The following DNAAF9 variants were observed in gnomAD, a reference collection of about 807,000 sequenced individuals.
The protein encoded by DNAAF9 is shulin.
Under a neutral mutation model 167.0 loss-of-function variants are expected in DNAAF9, and 90 were observed. The observed-to-expected ratio is 0.54, with a 90% confidence interval of 0.45 to 0.64. The LOEUF is 0.64. Among genes scored for constraint, DNAAF9 ranks in the 30% least tolerant of loss-of-function variants. The probability of loss-of-function intolerance (pLI) is 0.00; values close to 1 mark genes in which losing one functional copy is unlikely to be tolerated. For synonymous variants in DNAAF9, 491 were observed against 508.8 expected, an observed-to-expected ratio of 0.96 and a Z score of 0.47; for missense variants, 1,315 against 1,442.2, an observed-to-expected ratio of 0.91 and a Z score of 1.43.
At chr20:3,310,380 A>AGAAAGAAG (rs2069390910) in intron 20 of DNAAF9, among the ~76,000 whole-genome samples, 1 of 151,270 alleles carries the variant, frequency 6.6e-6, no homozygotes. Context: ...AAAGAAAGAA[A>AGAAAGAAG]GAAAGAAAGA....
Position 3,324,971 on chromosome 20 carries a change from G to A in DNAAF9, c.1189-3C>T, listed in dbSNP as rs1343047796. 3.8e-6 allele frequency: 6 copies of A among 1,565,818 alleles called. No individual in the cohort carries two copies. The highest frequency in any genetic ancestry group is 3.3e-5 in the Admixed American group (2 of 59,916). Reference sequence around the variant, plus strand: ...GTTTGCTCTGCTACCTCCTTGGCCTGTAAAATAATAAGACAGCGACAATTA... The same window carrying A: ...GTTTGCTCTGCTACCTCCTTGGCCTATAAAATAATAAGACAGCGACAATTA... On this transcript the variant is annotated splice_region_variant and splice_polypyrimidine_tract_variant and intron_variant, in intron 13 of 36. Transcript: ENST00000252032.
Position 3,255,988 on chromosome 20 carries a change from CT to C in DNAAF9, c.3261+17del. The C allele has an allele frequency of 6.2e-7, 1 of 1,602,064 alleles. No individual in the cohort carries two copies. Among genetic ancestry groups the C allele is most frequent in the Non-Finnish European group, 8.5e-7 (1 of 1,170,988 alleles). Reference sequence around the variant, plus strand: ...CTGGTCACATCTGTGTCAGGTCTGTCTGGGCTCTGGAAACCACCTGCTTAGC... The same window carrying C: ...CTGGTCACATCTGTGTCAGGTCTGTCGGGCTCTGGAAACCACCTGCTTAGC... On this transcript the variant is annotated intron_variant, in intron 34 of 36. Coordinates refer to ENST00000252032, the MANE Select transcript of DNAAF9 (RefSeq NM_001009984.3).
intron 16 of DNAAF9, among the ~76,000 whole-genome samples, chr20:3,321,063 C>T (rs2069607161): frequency 6.6e-6 from 1 of 152,208 alleles, no homozygotes; most frequent in South Asian, 2.1e-4. Flanking sequence ...CTTCGCCATG[C>T]CATCCCACCC....
rs1018725704 is a variant in DNAAF9, at chr20:3,253,801, G to A, written c.3346C>T (p.Pro1116Ser). 1 of 1,607,844 alleles carries A rather than the reference G, an allele frequency of 6.2e-7. No individual in the cohort carries two copies. The highest frequency in any genetic ancestry group is 8.5e-7 in the Non-Finnish European group (1 of 1,174,370). Residue 1116 changes from proline to serine, a missense_variant, in exon 36 of 37, where the codon CCC becomes TCC. Coordinates refer to ENST00000252032, the MANE Select transcript of DNAAF9 (RefSeq NM_001009984.3). ...TTATAAAAGTAGCCTGCAGGTAGGG[G>A]TTCCAAGTGGCGTTTTACCTGTAGG... ...RSIHVKRHLE[P>S]LPAGYFYNGT...
chr20:3,318,317 CA>C lies in DNAAF9; in HGVS notation c.1439del (p.Leu480Ter). The C allele has an allele frequency of 3.2e-6, 5 of 1,576,430 alleles. No individual in the cohort carries two copies. The highest frequency in any genetic ancestry group is 3.5e-6 in the Non-Finnish European group (4 of 1,148,750). ...LGSVVFSESFLTSQILVKEKD... is the reference protein window; with the variant it reads ...LGSVVFSESFXTSQILVKEKD... ...TTTCTTTAACTAAGATCTGAGAAGT[CA>C]AAAATGATTCAGAGAAAACCACAGA... On this transcript the variant is annotated frameshift_variant, in exon 17 of 37. Coordinates refer to ENST00000252032, the MANE Select transcript of DNAAF9 (RefSeq NM_001009984.3). LOFTEE classifies it high-confidence loss of function.
chr20:3,289,570 G>C (rs558010100), intron 26 of DNAAF9, among the ~76,000 whole-genome samples: 3 of 152,008 alleles, frequency 2.0e-5, no homozygotes, highest in Non-Finnish European at 4.4e-5. Context: ...CCCAGGCTGG[G>C]ATGCAGTGGC....
chr20:3,336,428 T>C (rs2069951993), intron 10 of DNAAF9, among the ~76,000 whole-genome samples: 1 of 151,178 alleles, frequency 6.6e-6, no homozygotes, highest in Admixed American at 6.6e-5. Context: ...TTTTTTTCAG[T>C]CTATTTTCTG....
Position 3,264,018 on chromosome 20 carries a change from G to A in DNAAF9, c.2873+420C>T, listed in dbSNP as rs569751543. On this transcript the variant is annotated intron_variant, in intron 31 of 36. Coordinates refer to ENST00000252032, the MANE Select transcript of DNAAF9 (RefSeq NM_001009984.3). Reference sequence around the variant, plus strand: ...CACAGGCTGTGCAGCATCCTACAGAGAACATTCCCTGGGCCATATGAGCAG... The same window carrying A: ...CACAGGCTGTGCAGCATCCTACAGAAAACATTCCCTGGGCCATATGAGCAG... 5.9e-5 allele frequency among the ~76,000 whole-genome samples: 9 copies of A among 152,310 alleles called. No homozygotes were observed. The South Asian group carries it at 1.9e-3, about 32-fold the overall frequency.
chr20:3,382,403 TC>T (rs762022139), intron 2 of DNAAF9, 23 bp downstream of exon 2: 62 of 1,596,974 alleles, frequency 3.9e-5, no homozygotes, highest in Non-Finnish European at 5.1e-5. Flanking sequence ...AAGCCCTGAG[TC>T]CCACCTTGTT....
At chr20:3,362,304 T>G in intron 6 of DNAAF9, 1 of 1,019,958 alleles carries the variant, frequency 9.8e-7, no homozygotes, top group Non-Finnish European at 1.5e-6. Context: ...CTTTTACTAC[T>G]GAGCCTGTGG....
At chr20:3,255,170 G>T (rs1244225447) in intron 35 of DNAAF9, 49 bp downstream of exon 35, 2 of 1,187,834 alleles carry the variant, frequency 1.7e-6, no homozygotes, top group Non-Finnish European at 2.4e-6. Flanking sequence ...TAGGCAAGCC[G>T]AGGACAGCCC....
intron 10 of DNAAF9, among the ~76,000 whole-genome samples, chr20:3,336,252 G>GT (rs1178750984): frequency 0.092 from 7,391 of 80,142 alleles, 615 homozygotes; most frequent in Non-Finnish European, 0.14. Context: ...ACAGTTTTGC[G>GT]TTTTTGTTTT....
In DNAAF9 at chr20:3,368,515, C is replaced by CT. The variant is rs147303892; in HGVS notation, c.612+5532dup. Reference sequence around the variant, plus strand: ...AACTTACTGACCAACTTCCTGGAAGCTTTTTTTTTTTTTTTGAGACAGAGT... The same window carrying CT: ...AACTTACTGACCAACTTCCTGGAAGCTTTTTTTTTTTTTTTTGAGACAGAGT... On this transcript the variant is annotated intron_variant, in intron 6 of 36. Coordinates refer to ENST00000252032, the MANE Select transcript of DNAAF9 (RefSeq NM_001009984.3). Among the ~76,000 whole-genome samples the CT allele has an allele frequency of 3.8e-3, 487 of 127,076 alleles. 2 individuals carry two copies. Among genetic ancestry groups the CT allele is most frequent in the African/African-American group, 1.0e-2 (343 of 34,348 alleles). The allele number at this position is 127,076 out of a possible 152,430, so 83.4% of individuals were successfully genotyped here. A position where few individuals can be genotyped will look rare whatever the true frequency, so the allele number is the denominator to read the frequency against.
At chr20:3,384,117 G>T (rs1031600340) in intron 1 of DNAAF9, 1 of 152,046 alleles carries the variant, frequency 6.6e-6, no homozygotes, top group Admixed American at 6.6e-5. Flanking sequence ...TCTTTTTGAC[G>T]TTCCTATGCC....
intron 20 of DNAAF9, among the ~76,000 whole-genome samples, chr20:3,309,246 T>C (rs1259795482): frequency 1.3e-5 from 2 of 152,120 alleles, no homozygotes; most frequent in South Asian, 4.1e-4. Context: ...AGAATTGTCA[T>C]TTTTACCATG....
chr20:3,328,664 G>A (rs1600794572), intron 12 of DNAAF9, among the ~76,000 whole-genome samples: 2 of 152,246 alleles, frequency 1.3e-5, no homozygotes, highest in Middle Eastern at 3.4e-3. Flanking sequence ...GCTAAGCAGC[G>A]CTGGCACAGA....
chr20:3,362,347 C>T (rs6051790), intron 6 of DNAAF9: 122,614 of 656,596 alleles, frequency 0.19, 12,040 homozygotes, highest in African/African-American at 0.28. Context: ...TCGCTTGAAG[C>T]GGTTTATTAA....
rs1362094314 is a variant in DNAAF9, at chr20:3,296,952, A to C, written c.1930-3T>G. On this transcript the variant is annotated splice_region_variant and splice_polypyrimidine_tract_variant and intron_variant, in intron 22 of 36. Transcript: ENST00000252032. Reference sequence around the variant, plus strand: ...TGCTGTTTCCAGAGGGAGAAGACCTAAACAAAACAGAATTTGAGCAAAGAA... The same window carrying C: ...TGCTGTTTCCAGAGGGAGAAGACCTCAACAAAACAGAATTTGAGCAAAGAA... 1 of 1,577,074 alleles carries C rather than the reference A, an allele frequency of 6.3e-7. No individual in the cohort carries two copies. Among genetic ancestry groups the C allele is most frequent in the South Asian group, 1.1e-5 (1 of 90,150 alleles).
At chr20:3,256,461 G>C (rs2122731061) in intron 33 of DNAAF9, among the ~76,000 whole-genome samples, 1 of 152,246 alleles carries the variant, frequency 6.6e-6, no homozygotes, top group Middle Eastern at 3.4e-3. Flanking sequence ...GCAGTGAGCT[G>C]AGATTGCGCC....
Sources: allele counts gnomAD v4.1 joint callset (sites outside exome capture counted in the v4.1 genomes callset), GRCh38; gene constraint gnomAD v4.1.1; transcripts MANE v1.5; gene names NCBI Gene and HGNC (gene_info 2026-07-23, HGNC 2026-07-21).